CD99L2: variants seen among roughly 807,000 people sequenced by gnomAD.
CD99L2 encodes the protein CD99 antigen-like protein 2.
In CD99L2, 24 loss-of-function variants were observed where a neutral mutation model predicts 27.3. That is an observed-to-expected ratio of 0.88 (90% CI 0.64 to 1.24). The LOEUF is 1.24. CD99L2 is among the 50% of genes most tolerant of loss of function. CD99L2 has a pLI of 0.00. For synonymous variants in CD99L2, 97 were observed against 87.9 expected (o/e 1.10, Z -0.58); for missense variants, 255 against 221.6 (o/e 1.15, Z -0.96).
At chrX:150,790,400 C>T (rs1328183943) in intron 7 of CD99L2, among the ~76,000 whole-genome samples, 1 of 110,003 alleles carries the variant, frequency 9.1e-6, no homozygotes, top group Non-Finnish European at 1.9e-5. Context: ...TGGGGGACTC[C>T]CAGGATGGAA....
At chrX:150,815,165 T>C (rs1039725934) in intron 3 of CD99L2, among the ~76,000 whole-genome samples, 11 of 112,252 alleles carry the variant, frequency 9.8e-5, no homozygotes, top group Non-Finnish European at 3.8e-5. Context: ...CACCAGTTTT[T>C]CAATTAATTT....
chrX:150,854,894 G>T (rs1353254484), intron 1 of CD99L2, among the ~76,000 whole-genome samples: 1 of 110,887 alleles, frequency 9.0e-6, no homozygotes, highest in Non-Finnish European at 1.9e-5. Flanking sequence ...CCCTGTGGCT[G>T]CCTGCTGCCC....
At chrX:150,819,108 T>G in intron 2 of CD99L2, 1 of 334,047 alleles carries the variant, frequency 3.0e-6, no homozygotes, top group Non-Finnish European at 5.7e-6. Context: ...CTGCCAAGAC[T>G]GAGTGGTTGA....
Position 150,776,719 on chromosome X carries a change from C to G in CD99L2, c.536-426G>C, listed in dbSNP as rs146169319. On this transcript the variant is annotated intron_variant, in intron 8 of 10. Coordinates refer to ENST00000370377, the MANE Select transcript of CD99L2 (RefSeq NM_031462.4). ...ACTCTGAGACCAGAGTGGGTCAGCA[C>G]TATGTCTCCTTGTAGCTGCTGTGAA... 8.4e-3 allele frequency among the ~76,000 whole-genome samples: 941 copies of G among 111,947 alleles called. 26 individuals are homozygous for G. In the East Asian group the frequency reaches 0.085, roughly 10 times the overall value.
chrX:150,775,758 G>C (rs1307349851), intron 9 of CD99L2, among the ~76,000 whole-genome samples: 4 of 112,492 alleles, frequency 3.6e-5, no homozygotes, highest in African/African-American at 1.3e-4. Context: ...CTGCTCCTGA[G>C]GGAGCCAGCA....
chrX:150,858,628 G>T (rs782256988), intron 1 of CD99L2, among the ~76,000 whole-genome samples: 1 of 111,826 alleles, frequency 8.9e-6, no homozygotes, highest in African/African-American at 3.2e-5. Flanking sequence ...AGTTAAGAGA[G>T]AAATCAAAAA....
intron 7 of CD99L2, among the ~76,000 whole-genome samples, chrX:150,787,995 C>T (rs1428312811): frequency 9.7e-6 from 1 of 102,626 alleles, no homozygotes; most frequent in Non-Finnish European, 2.0e-5. Context: ...AGGTCTGAGG[C>T]ATTTTTTGTA....
chrX:150,863,413 A>G (rs2047009533), intron 1 of CD99L2, among the ~76,000 whole-genome samples: 1 of 112,338 alleles, frequency 8.9e-6, no homozygotes, highest in Non-Finnish European at 1.9e-5. Flanking sequence ...TTCAGATGAG[A>G]AGACTAAAGC....
intron 1 of CD99L2, among the ~76,000 whole-genome samples, chrX:150,878,940 G>A (rs1557422405): frequency 9.0e-6 from 1 of 111,668 alleles, no homozygotes; most frequent in African/African-American, 3.3e-5. Context: ...GCAGTTCTAT[G>A]CCACATTGCT....
chrX:150,890,537 A>G (rs2047495155), intron 1 of CD99L2, among the ~76,000 whole-genome samples: 1 of 112,099 alleles, frequency 8.9e-6, no homozygotes, highest in South Asian at 3.6e-4. Context: ...ACAAACCAAC[A>G]AACAAAAAAC....
At chrX:150,785,842 T>C (rs188397508) in intron 7 of CD99L2, among the ~76,000 whole-genome samples, 34 of 112,515 alleles carry the variant, frequency 3.0e-4, no homozygotes, top group Admixed American at 2.8e-3. Flanking sequence ...GCAATAAACA[T>C]ATAAATGTAT....
At chrX:150,855,931 G>A (rs1460778463) in intron 1 of CD99L2, among the ~76,000 whole-genome samples, 2 of 111,999 alleles carry the variant, frequency 1.8e-5, no homozygotes, top group African/African-American at 3.3e-5. Flanking sequence ...GTGGTACATT[G>A]TAATGGCAGC....
At chrX:150,807,954 C>G (rs553132506) in intron 4 of CD99L2, among the ~76,000 whole-genome samples, 2 of 112,371 alleles carry the variant, frequency 1.8e-5, no homozygotes, top group African/African-American at 6.5e-5. Context: ...CACAAGAAAT[C>G]ACAAACATCA....
At chrX:150,816,179 T>C in intron 2 of CD99L2, 101 bp from the exon 3 acceptor site, 1 of 818,208 alleles carries the variant, frequency 1.2e-6, no homozygotes, top group Non-Finnish European at 1.8e-6. Flanking sequence ...AGAATATCCT[T>C]GTCTTGGTCC....
intron 1 of CD99L2, among the ~76,000 whole-genome samples, chrX:150,883,573 G>A (rs1289569095): frequency 9.0e-6 from 1 of 111,315 alleles, no homozygotes; most frequent in Non-Finnish European, 1.9e-5. Context: ...CTTTAAGGTA[G>A]TCCCAGACTA....
Position 150,838,898 on chromosome X carries a change from T to TAA in CD99L2, c.68-7607_68-7606dup, listed in dbSNP as rs1161488139. Among the ~76,000 whole-genome samples, 141 of 23,565 alleles carry TAA rather than the reference T, an allele frequency of 6.0e-3. 3 individuals are homozygous for TAA. The highest frequency in any genetic ancestry group is 7.7e-3 in the Non-Finnish European group (106 of 13,735). 20.5% of individuals were successfully genotyped at this position (23,565 alleles called of 115,157 possible). A position where few individuals can be genotyped will look rare whatever the true frequency, so the allele number is the denominator to read the frequency against. On this transcript the variant is annotated intron_variant, in intron 1 of 10. Transcript: ENST00000370377. ...ATAGGAATACGTATAATCATATCAG[T>TAA]AAAAAAAAAAAAAAAAAAATGGGGG...
intron 4 of CD99L2, among the ~76,000 whole-genome samples, chrX:150,803,345 T>C (rs1365074693): frequency 8.9e-6 from 1 of 112,228 alleles, no homozygotes; most frequent in Non-Finnish European, 1.9e-5. Flanking sequence ...AAAGTAAAAA[T>C]GTCAACTGTC....
At chrX:150,816,839 C>T (rs1557420503) in intron 2 of CD99L2, among the ~76,000 whole-genome samples, 1 of 109,862 alleles carries the variant, frequency 9.1e-6, no homozygotes, top group Admixed American at 9.7e-5. Context: ...AAATGTGGCA[C>T]ATATACACCA....
At chrX:150,777,618 G>A (rs782019714) in intron 7 of CD99L2, 136 bp from the exon 8 acceptor site, 46 of 626,422 alleles carry the variant, frequency 7.3e-5, no homozygotes, top group African/African-American at 1.6e-4. Context: ...TGGATCACCC[G>A]TAGGCTTCTA....
Sources: gnomAD v4.1 joint callset for allele counts (sites outside exome capture counted in the v4.1 genomes callset) on GRCh38, gnomAD v4.1.1 for gene constraint, MANE v1.5 for transcripts, NCBI Gene and HGNC (gene_info 2026-07-23, HGNC 2026-07-21) for gene names.